Variants in UXS1 observed in about 807,000 individuals in gnomAD.
The protein encoded by UXS1 is UDP-glucuronic acid decarboxylase 1.
In UXS1, 33 loss-of-function variants were observed where a neutral mutation model predicts 62.6. That is an observed-to-expected ratio of 0.53 (90% confidence interval 0.40 to 0.70). The LOEUF (loss-of-function observed/expected upper bound fraction) is 0.70. Ranked by LOEUF, UXS1 falls within the 30% of genes least tolerant of loss-of-function variation. The pLI is 0.00. For missense variants in UXS1, 434 were observed against 556.3 expected (o/e 0.78, Z 2.21); for synonymous variants, 213 against 206.8 (o/e 1.03, Z -0.26).
intron 3 of UXS1, among the ~76,000 whole-genome samples, chr2:106,164,412 C>T (rs1195434629): frequency 6.6e-6 from 1 of 152,188 alleles, no homozygotes; most frequent in African/African-American, 2.4e-5. Flanking sequence ...TTTTCAGCAC[C>T]TGTGCCAGTG....
intron 5 of UXS1, among the ~76,000 whole-genome samples, chr2:106,146,963 C>T (rs866811379): frequency 1.5e-4 from 23 of 151,644 alleles, no homozygotes; most frequent in Non-Finnish European, 7.4e-5. Flanking sequence ...GACTAGCCTG[C>T]GCAGCATGGT....
At chr2:106,194,035 G>T in intron 1 of UXS1, 113 bp downstream of exon 1, 2 of 733,470 alleles carry the variant, frequency 2.7e-6, no homozygotes, top group African/African-American at 1.9e-5. Flanking sequence ...CCCGGGGCGG[G>T]GAGCAACGCG....
intron 9 of UXS1, among the ~76,000 whole-genome samples, chr2:106,115,929 G>A (rs898391816): frequency 1.4e-4 from 21 of 152,164 alleles, no homozygotes; most frequent in African/African-American, 5.1e-4. Flanking sequence ...CACAAACATT[G>A]CCACAAGGAC....
intron 1 of UXS1, among the ~76,000 whole-genome samples, chr2:106,184,645 C>T (rs1684450738): frequency 6.6e-6 from 1 of 152,176 alleles, no homozygotes; most frequent in South Asian, 2.1e-4. Context: ...CCTTGGGCCT[C>T]TGTTACAAAG....
At chr2:106,152,494 A>AGAGG (rs10590942) in intron 5 of UXS1, among the ~76,000 whole-genome samples, 123 of 104,126 alleles carry the variant, frequency 1.2e-3, no homozygotes, top group African/African-American at 4.1e-3. Context: ...AGGGAGGGAG[A>AGAGG]GAGGGAGGGA....
At chr2:106,192,244 C>G (rs1001492430) in intron 1 of UXS1, among the ~76,000 whole-genome samples, 3 of 152,158 alleles carry the variant, frequency 2.0e-5, no homozygotes. Context: ...ATTTCCTGGT[C>G]AGATGAATGA....
intron 1 of UXS1, among the ~76,000 whole-genome samples, chr2:106,181,477 G>A (rs988375208): frequency 6.6e-6 from 1 of 152,194 alleles, no homozygotes; most frequent in African/African-American, 2.4e-5. Context: ...CCAGCACTTT[G>A]GGAGGTCAAG....
chr2:106,177,255 G>C (rs1683945046), intron 1 of UXS1, among the ~76,000 whole-genome samples: 2 of 135,700 alleles, frequency 1.5e-5, no homozygotes, highest in African/African-American at 5.6e-5. Flanking sequence ...GAATGAAGTG[G>C]CATGATCTTG....
chr2:106,193,681 G>C (rs1309182874), intron 1 of UXS1, among the ~76,000 whole-genome samples: 1 of 152,204 alleles, frequency 6.6e-6, no homozygotes, highest in Non-Finnish European at 1.5e-5. Context: ...TTCCTGAGGA[G>C]CAAACAGTCG....
At chr2:106,119,727 G>C (rs1334977623) in intron 9 of UXS1, among the ~76,000 whole-genome samples, 2 of 152,218 alleles carry the variant, frequency 1.3e-5, no homozygotes, top group Non-Finnish European at 2.9e-5. Flanking sequence ...GCCACAGGTA[G>C]AGGGCAGACC....
At chr2:106,130,716 G>A (rs1410669848) in intron 6 of UXS1, among the ~76,000 whole-genome samples, 1 of 152,222 alleles carries the variant, frequency 6.6e-6, no homozygotes, top group African/African-American at 2.4e-5. Flanking sequence ...TGGAAGAGCT[G>A]AAGATCAAGC....
At chr2:106,129,906 C>A in intron 6 of UXS1, 128 bp from the exon 7 acceptor site, 1 of 557,928 alleles carries the variant, frequency 1.8e-6, no homozygotes, top group African/African-American at 2.0e-5. Flanking sequence ...TTTTATTCTT[C>A]ATATAAACTA....
At chr2:106,120,727 A>AC in intron 9 of UXS1, among the ~76,000 whole-genome samples, 1 of 152,270 alleles carries the variant, frequency 6.6e-6, no homozygotes, top group African/African-American at 2.4e-5. Context: ...AACCCACGAC[A>AC]CCCCTGTGTG....
chr2:106,158,166 T>A, intron 4 of UXS1, 48 bp from the exon 5 acceptor site: 1 of 1,455,736 alleles, frequency 6.9e-7, no homozygotes, highest in South Asian at 1.2e-5. Context: ...ACATCTCATT[T>A]GAATATTTTC....
intron 10 of UXS1, among the ~76,000 whole-genome samples, chr2:106,107,666 G>T (rs2104864763): frequency 6.6e-6 from 1 of 152,266 alleles, no homozygotes; most frequent in Admixed American, 6.5e-5. Context: ...AGTCCAAAAG[G>T]CTCCCAAAAT....
At chr2:106,137,367 C>T (rs1380057152) in intron 6 of UXS1, among the ~76,000 whole-genome samples, 3 of 152,234 alleles carry the variant, frequency 2.0e-5, no homozygotes, top group Non-Finnish European at 4.4e-5. Flanking sequence ...GCTACACCTA[C>T]TTCCAAGCTC....
chr2:106,148,988 G>C (rs562000878), intron 5 of UXS1, among the ~76,000 whole-genome samples: 1 of 152,216 alleles, frequency 6.6e-6, no homozygotes, highest in East Asian at 1.9e-4. Context: ...TCTAGTTCAA[G>C]GTCAGCAGTC....
At chr2:106,096,192 G>A (rs1357733810) in intron 14 of UXS1, among the ~76,000 whole-genome samples, 4 of 152,160 alleles carry the variant, frequency 2.6e-5, no homozygotes, top group East Asian at 1.9e-4. Context: ...GGGTGTGTGT[G>A]TGTGTGTGTG....
intron 11 of UXS1, chr2:106,102,081 G>A (rs773946984): frequency 3.9e-5 from 6 of 152,276 alleles, no homozygotes; most frequent in Admixed American, 1.3e-4. Context: ...GGGGTATTTC[G>A]TAAATCAGAT....
Sources: allele counts gnomAD v4.1 joint callset (sites outside exome capture counted in the v4.1 genomes callset), GRCh38; gene constraint gnomAD v4.1.1; transcripts MANE v1.5; gene names NCBI Gene and HGNC (gene_info 2026-07-23, HGNC 2026-07-21).